The following WWOX variants were observed in gnomAD, a reference collection of about 807,000 sequenced individuals.
WWOX encodes the protein WW domain-containing oxidoreductase.
In WWOX, 69 loss-of-function variants were observed where a neutral mutation model predicts 46.2. That is an observed-to-expected ratio of 1.49 (90% CI 1.23 to 1.82). The LOEUF (loss-of-function observed/expected upper bound fraction) is 1.82. WWOX is among the 40% of genes most tolerant of loss of function. The pLI is 0.00. For missense variants in WWOX, 919 were observed against 542.6 expected (o/e 1.69, Z -6.89); for synonymous variants, 359 against 202.6 (o/e 1.77, Z -6.56).
At position 79,212,390 on chromosome 16, in the gene WWOX, C is replaced by CAAAGT. The variant is rs1200504047; in HGVS notation, c.*596_*600dup. On this transcript the variant is annotated 3_prime_UTR_variant, in exon 9 of 9. Transcript: ENST00000566780. Reference sequence around the variant, plus strand: ...TAGAATACGCAGAACTACCAGGTGGCAAAGTACTTGTCATAGACTCCTTTG... The same window carrying CAAAGT: ...TAGAATACGCAGAACTACCAGGTGGCAAAGTAAAGTACTTGTCATAGACTCCTTTG... 4 of 466,068 alleles carry CAAAGT rather than the reference C, an allele frequency of 8.6e-6. No individual in the cohort carries two copies. The highest frequency in any genetic ancestry group is 1.5e-5 in the Non-Finnish European group (4 of 266,096). 28.9% of individuals were successfully genotyped at this position (466,068 alleles called of 1,614,324 possible).
intron 5 of WWOX, among the ~76,000 whole-genome samples, chr16:78,242,962 C>T (rs1305244817): frequency 2.0e-5 from 3 of 152,058 alleles, no homozygotes; most frequent in Middle Eastern, 3.4e-3. Flanking sequence ...GAACTGAGAT[C>T]GCACCACTGC....
chr16:78,656,270 A>G (rs2047078780), intron 8 of WWOX, among the ~76,000 whole-genome samples: 1 of 152,050 alleles, frequency 6.6e-6, no homozygotes, highest in Admixed American at 6.5e-5. Context: ...CTATCTGATG[A>G]GGCCTTTTTT....
intron 8 of WWOX, among the ~76,000 whole-genome samples, chr16:79,028,677 C>T (rs2047694004): frequency 6.6e-6 from 1 of 151,686 alleles, no homozygotes; most frequent in African/African-American, 2.4e-5. Flanking sequence ...TTCGACATTA[C>T]ACATAAGCCC....
chr16:78,653,898 A>G (rs2142151282), intron 8 of WWOX, among the ~76,000 whole-genome samples: 1 of 152,342 alleles, frequency 6.6e-6, no homozygotes, highest in East Asian at 1.9e-4. Context: ...GCAGCAGGAC[A>G]CATCTCTAAT....
chr16:78,505,975 G>A (rs1025368813), intron 8 of WWOX, among the ~76,000 whole-genome samples: 1 of 152,336 alleles, frequency 6.6e-6, no homozygotes. Context: ...CGCCAGAGGA[G>A]AGAAATGATC....
intron 6 of WWOX, among the ~76,000 whole-genome samples, chr16:78,419,426 C>A (rs2082871920): frequency 6.6e-6 from 1 of 151,800 alleles, no homozygotes; most frequent in Non-Finnish European, 1.5e-5. Context: ...GTCATATTGG[C>A]ATAAGAATAG....
intron 8 of WWOX, among the ~76,000 whole-genome samples, chr16:78,596,776 G>A (rs929734305): frequency 1.3e-4 from 19 of 150,484 alleles, no homozygotes; most frequent in African/African-American, 3.4e-4. Context: ...ACACAGCCAT[G>A]AAAATAAAAT....
At chr16:78,527,773 A>G (rs192088390) in intron 8 of WWOX, among the ~76,000 whole-genome samples, 196 of 150,588 alleles carry the variant, frequency 1.3e-3, no homozygotes, top group Non-Finnish European at 1.9e-3. Context: ...ATGCATGTCA[A>G]TATCTGGAGA....
At chr16:78,851,315 G>A (rs889433916) in intron 8 of WWOX, among the ~76,000 whole-genome samples, 5 of 152,200 alleles carry the variant, frequency 3.3e-5, no homozygotes, top group African/African-American at 1.2e-4. Flanking sequence ...AGTTTGAAAT[G>A]CTCTTGTTAA....
chr16:79,123,949 T>C (rs906361840), intron 8 of WWOX, among the ~76,000 whole-genome samples: 7 of 152,106 alleles, frequency 4.6e-5, no homozygotes, highest in Admixed American at 3.9e-4. Context: ...CATGGGCGAA[T>C]TGGTACCATT....
intron 5 of WWOX, among the ~76,000 whole-genome samples, chr16:78,302,686 A>G (rs1361665250): frequency 6.6e-6 from 1 of 152,172 alleles, no homozygotes; most frequent in East Asian, 1.9e-4. Context: ...AATCTCCACC[A>G]TACCTTATTG....
At position 78,102,607 on chromosome 16, in the gene WWOX, A is replaced by G. The variant is rs187775849; in HGVS notation, c.107+2722A>G. Among the ~76,000 whole-genome samples, 631 of 152,324 alleles carry G rather than the reference A, an allele frequency of 4.1e-3. 4 individuals are homozygous for G. The highest frequency in any genetic ancestry group is 0.01 in the Middle Eastern group (3 of 294). ...GGGGAAAGGCTCCTTCTCATCCTTC[A>G]GAGCTGAGCTTACATGTCACTGCCC... On this transcript the variant is annotated intron_variant, in intron 1 of 8. Coordinates refer to ENST00000566780, the MANE Select transcript of WWOX (RefSeq NM_016373.4).
intron 8 of WWOX, among the ~76,000 whole-genome samples, chr16:79,152,558 C>G (rs964641946): frequency 3.3e-5 from 5 of 151,950 alleles, no homozygotes; most frequent in Non-Finnish European, 5.9e-5. Context: ...GTAGTCTCAG[C>G]TACTCGGGAG....
At chr16:78,124,186 C>G (rs3751776) in intron 4 of WWOX, 1 of 151,704 alleles carries the variant, frequency 6.6e-6, no homozygotes, top group Non-Finnish European at 1.5e-5. Flanking sequence ...TTTTTTTCAG[C>G]AACTTTTTCT....
chr16:78,487,629 C>G (rs979211907), intron 8 of WWOX, among the ~76,000 whole-genome samples: 1 of 152,114 alleles, frequency 6.6e-6, no homozygotes, highest in Non-Finnish European at 1.5e-5. Flanking sequence ...TGTCCTGTAT[C>G]TTGGAGATGT....
chr16:78,397,847 A>G (rs1279615171), intron 6 of WWOX, among the ~76,000 whole-genome samples: 2 of 152,312 alleles, frequency 1.3e-5, no homozygotes, highest in East Asian at 3.9e-4. Context: ...TTCTATCACC[A>G]AAGGGAAATC....
At chr16:78,789,295 C>G (rs532224460) in intron 8 of WWOX, among the ~76,000 whole-genome samples, 9 of 152,292 alleles carry the variant, frequency 5.9e-5, no homozygotes, top group Non-Finnish European at 1.3e-4. Flanking sequence ...TATGTTAAGA[C>G]TTTTGATCCA....
chr16:78,576,497 C>A (rs1177943765), intron 8 of WWOX, among the ~76,000 whole-genome samples: 4 of 152,152 alleles, frequency 2.6e-5, no homozygotes, highest in African/African-American at 9.7e-5. Context: ...TTTCGGTTTC[C>A]TTAAGTGGTG....
chr16:79,106,262 A>G (rs1288771022), intron 8 of WWOX, among the ~76,000 whole-genome samples: 1 of 152,130 alleles, frequency 6.6e-6, no homozygotes, highest in African/African-American at 2.4e-5. Context: ...TCCCTTGTCA[A>G]ACTTCCTAGG....
Sources: allele counts gnomAD v4.1 joint callset (sites outside exome capture counted in the v4.1 genomes callset), GRCh38; gene constraint gnomAD v4.1.1; transcripts MANE v1.5; gene names NCBI Gene and HGNC (gene_info 2026-07-23, HGNC 2026-07-21).